INTS6: variants seen among roughly 807,000 people sequenced by gnomAD.
INTS6 encodes DEAD box protein.
In INTS6, 16 loss-of-function variants were observed where a neutral mutation model predicts 104.9. That is an observed-to-expected ratio of 0.15 (90% CI 0.10 to 0.23). INTS6 has a LOEUF of 0.23. INTS6 is among the 10% of genes least tolerant of loss of function. The probability of loss-of-function intolerance (pLI) is 1.00; values close to 1 mark genes in which losing one functional copy is unlikely to be tolerated. For synonymous variants in INTS6, 324 were observed against 358.7 expected (o/e 0.90, Z 1.09); for missense variants, 584 against 1,062.8 (o/e 0.55, Z 6.26).
At chr13:51,342,373 C>G in the INTS6 span, among the ~76,000 whole-genome samples, 3 of 152,048 alleles carry the variant, frequency 2.0e-5, no homozygotes, top group Non-Finnish European at 4.4e-5. Context: ...GGCCTCTGCT[C>G]GCTCATATAT....
chr13:51,379,434 A>C (rs770160564), intron 11 of INTS6, 28 bp downstream of exon 11: 19 of 1,369,834 alleles, frequency 1.4e-5, no homozygotes, highest in African/African-American at 2.9e-5. Flanking sequence ...CAAAATACTT[A>C]ATGGCTCACT....
At position 51,381,701 on chromosome 13, in the gene INTS6, G is replaced by GTT. The variant is rs57189672; in HGVS notation, c.1275+326_1275+327dup. On this transcript the variant is annotated intron_variant, in intron 10 of 17. Transcript: ENST00000311234. ...GCATAATATAATTAACAAGTTTTTT[G>GTT]TTTTTTTTTTTTTGGAGACGGTGTT... Among the ~76,000 whole-genome samples, 1,019 of 143,434 alleles carry GTT rather than the reference G, an allele frequency of 7.1e-3. 8 individuals are homozygous for GTT. Among genetic ancestry groups the GTT allele is most frequent in the Middle Eastern group, 0.032 (9 of 282 alleles). The allele number at this position is 143,434 out of a possible 152,430, so 94.1% of individuals were successfully genotyped here. A position where few individuals can be genotyped will look rare whatever the true frequency, so the allele number is the denominator to read the frequency against.
rs541308040 is a variant in INTS6 at position 51,397,834 on chromosome 13, T to C, written c.430-2351A>G. On this transcript the variant is annotated intron_variant, in intron 4 of 17. Coordinates refer to ENST00000311234, the MANE Select transcript of INTS6 (RefSeq NM_012141.3). ...CGCGGACCACACACACACACACACA[T>C]GCACACACACAAACTAATCATGTAA... Among the ~76,000 whole-genome samples, 10 of 148,686 alleles carry C rather than the reference T, an allele frequency of 6.7e-5. No homozygotes were observed. The South Asian group carries it at 1.9e-3, about 28-fold the overall frequency.
the INTS6 span, chr13:51,346,999 T>A: frequency 6.5e-7 from 1 of 1,535,560 alleles, no homozygotes; most frequent in Admixed American, 1.9e-5. Context: ...ATTTAACCCA[T>A]GGCCACCTTG....
Position 51,404,895 on chromosome 13 carries a change from C to T in INTS6, c.430-9412G>A, listed in dbSNP as rs114109643. On this transcript the variant is annotated intron_variant, in intron 4 of 17. Coordinates refer to ENST00000311234, the MANE Select transcript of INTS6 (RefSeq NM_012141.3). The stretch of plus-strand genomic sequence containing the variant: ...ATAGGGATCAGAAATCAAGCTATAA[C>T]TCAGGATTTATTTAATGAAAGGCAA... Among the ~76,000 whole-genome samples the T allele has an allele frequency of 3.2e-3, 482 of 151,966 alleles. 1 individual carries two copies. The highest frequency in any genetic ancestry group is 0.011 in the African/African-American group (455 of 41,396).
At chr13:51,394,211 A>G (rs1404817587) in intron 5 of INTS6, among the ~76,000 whole-genome samples, 1 of 152,154 alleles carries the variant, frequency 6.6e-6, no homozygotes, top group Non-Finnish European at 1.5e-5. Flanking sequence ...ATCCCTAAAA[A>G]AAATTACATA....
At chr13:51,385,502 C>A (rs1759301837) in intron 7 of INTS6, among the ~76,000 whole-genome samples, 1 of 151,994 alleles carries the variant, frequency 6.6e-6, no homozygotes, top group Non-Finnish European at 1.5e-5. Context: ...TCCTCTAGAA[C>A]TTGGCCAAGA....
chr13:51,434,090 T>C (rs962977651), intron 3 of INTS6, among the ~76,000 whole-genome samples: 7 of 152,224 alleles, frequency 4.6e-5, no homozygotes, highest in African/African-American at 1.7e-4. Flanking sequence ...CATACTAACC[T>C]GGATTGTGCC....
At chr13:51,414,323 T>C (rs955445945) in intron 4 of INTS6, among the ~76,000 whole-genome samples, 1 of 152,218 alleles carries the variant, frequency 6.6e-6, no homozygotes, top group African/African-American at 2.4e-5. Context: ...AAACCAGCTA[T>C]TTTTGTCCCA....
intron 5 of INTS6, among the ~76,000 whole-genome samples, chr13:51,392,689 C>A (rs954147868): frequency 6.6e-6 from 1 of 152,166 alleles, no homozygotes; most frequent in African/African-American, 2.4e-5. Flanking sequence ...TCTCCACTCC[C>A]TTACTCTGTT....
intron 4 of INTS6, among the ~76,000 whole-genome samples, chr13:51,399,731 T>C (rs1284118108): frequency 6.6e-6 from 1 of 152,038 alleles, no homozygotes; most frequent in African/African-American, 2.4e-5. Flanking sequence ...TGCGTGTGTG[T>C]GCGTGTGTGT....
chr13:51,348,302 C>G, the INTS6 span: 1 of 1,612,898 alleles, frequency 6.2e-7, no homozygotes, highest in African/African-American at 1.3e-5. Context: ...GGTGCTGCCC[C>G]GTGACAAAGA....
intron 17 of INTS6, among the ~76,000 whole-genome samples, 190 bp downstream of exon 17, chr13:51,367,615 T>G (rs1955718252): frequency 6.6e-6 from 1 of 152,116 alleles, no homozygotes; most frequent in Non-Finnish European, 1.5e-5. Context: ...TCCTGAAGAA[T>G]GTATGTGTGG....
At position 51,376,128 on chromosome 13, in the gene INTS6, C is replaced by T. The variant is rs150673436; in HGVS notation, c.1649G>A (p.Arg550Gln). The T allele has an allele frequency of 2.8e-5, 45 of 1,612,108 alleles. No homozygotes were observed. The highest frequency in any genetic ancestry group is 5.3e-5 in the African/African-American group (4 of 74,854). ...TCTTGTTAAGTGATCCAAAAGATTT[C>T]GTCTTGGTATGTCATAAGCATTTCT... ...TFRNAYDIPRRNLLDHLTRMR... is the reference protein window; with the variant it reads ...TFRNAYDIPRQNLLDHLTRMR... The change falls in exon 13 of 18, where the codon CGA becomes CAA. Residue 550 changes from arginine (R) to glutamine (Q), a missense_variant. By Grantham distance (43) the Arg-to-Gln change is conservative. Transcript: ENST00000311234.
chr13:51,410,688 A>G (rs1956668335), intron 4 of INTS6, among the ~76,000 whole-genome samples: 1 of 152,190 alleles, frequency 6.6e-6, no homozygotes, highest in Non-Finnish European at 1.5e-5. Context: ...CACAAACTAA[A>G]AAGAAAAAAT....
intron 4 of INTS6, among the ~76,000 whole-genome samples, chr13:51,427,914 C>A (rs1331684248): frequency 6.6e-6 from 1 of 152,142 alleles, no homozygotes; most frequent in African/African-American, 2.4e-5. Flanking sequence ...AAACACATTG[C>A]CCTATTTTTC....
In INTS6 at chr13:51,378,246, A is replaced by C. The variant is rs1955972280; in HGVS notation, c.1595T>G (p.Leu532Arg). ...TAAATTCATGATTATTACCTTATTC[A>C]GCAAAGCAACTTGGAACCCAGTGTA... ...KEYTGFQVALLNKDLKPQTFR... is the reference protein window; with the variant it reads ...KEYTGFQVALRNKDLKPQTFR... The change falls in exon 12 of 18, where the codon CTG becomes CGG. Residue 532 changes from leucine to arginine, a missense_variant. Coordinates refer to ENST00000311234, the MANE Select transcript of INTS6 (RefSeq NM_012141.3). 1 of 1,611,064 alleles carries C rather than the reference A, an allele frequency of 6.2e-7. No individual in the cohort carries two copies. The highest frequency in any genetic ancestry group is 8.5e-7 in the Non-Finnish European group (1 of 1,177,510).
At chr13:51,343,219 C>T in the INTS6 span, among the ~76,000 whole-genome samples, 2 of 152,172 alleles carry the variant, frequency 1.3e-5, no homozygotes, top group Non-Finnish European at 2.9e-5. Flanking sequence ...AAAAGATACC[C>T]AGCATTTTGT....
chr13:51,359,636 A>G (rs1955531329), downstream of INTS6, among the ~76,000 whole-genome samples: 1 of 152,092 alleles, frequency 6.6e-6, no homozygotes, highest in Non-Finnish European at 1.5e-5. Context: ...AGACACATTT[A>G]CTGTATTTTA....
Sources: allele counts gnomAD v4.1 joint callset (sites outside exome capture counted in the v4.1 genomes callset), GRCh38; gene constraint gnomAD v4.1.1; transcripts MANE v1.5; gene names NCBI Gene and HGNC (gene_info 2026-07-23, HGNC 2026-07-21).